CDC42BPG: variants seen among roughly 807,000 people sequenced by gnomAD.
The protein encoded by CDC42BPG is serine/threonine-protein kinase MRCK gamma.
A neutral mutation model predicts 192.2 loss-of-function variants in CDC42BPG; 157 were observed. The ratio of observed to expected loss-of-function variants is 0.82; its 90% CI spans 0.72 to 0.93. CDC42BPG has a LOEUF of 0.93. CDC42BPG is among the 40% of genes least tolerant of loss of function. The probability of loss-of-function intolerance (pLI) is 0.00; values close to 1 mark genes in which losing one functional copy is unlikely to be tolerated. For missense variants in CDC42BPG, 1,992 were observed against 2,122.1 expected, an observed-to-expected ratio of 0.94 and a Z score of 1.20; for synonymous variants, 981 against 918.5, an observed-to-expected ratio of 1.07 and a Z score of -1.23.
intron 27 of CDC42BPG, 141 bp from the exon 28 acceptor site, chr11:64,831,862 C>A: frequency 1.4e-6 from 1 of 730,370 alleles, no homozygotes; most frequent in Non-Finnish European, 2.2e-6. Flanking sequence ...GGCAAACAGA[C>A]AACTCCAGAG....
Position 64,840,645 on chromosome 11 carries a change from C to A in CDC42BPG, c.340G>T (p.Ala114Ser), listed in dbSNP as rs1943240315. The A allele has an allele frequency of 1.2e-6, 2 of 1,613,666 alleles. No individual in the cohort carries two copies. Among genetic ancestry groups the A allele is most frequent in the Non-Finnish European group, 1.7e-6 (2 of 1,180,018 alleles). The change falls in exon 4 of 37, where the codon GCC becomes TCC. Residue 114 changes from alanine to serine, a missense_variant. Ala to Ser is a moderately conservative substitution (Grantham distance 99). Around this residue, in one of 2 missense-constraint regions of CDC42BPG, gnomAD observed 1,656 missense variants for 1,844.3 expected, o/e 0.90. Coordinates refer to ENST00000342711, the MANE Select transcript of CDC42BPG (RefSeq NM_017525.3). ...ACATCCCGCTCCTCCCGGAAACAGG[C>A]TGTCTGCAGCAGGTTTGGGGAAGTA... ...KWEMLKRAET[A>S]CFREERDVLV...
At position 64,829,975 on chromosome 11, in the gene CDC42BPG, C is replaced by T. The variant is rs200521831; in HGVS notation, c.3463G>A (p.Val1155Met). ...LVVLCGRGPS[V>M]RLFALAELEN... is the part of the protein sequence containing the mutation. ...AGCTCCGCCAGGGCAAAGAGACGCACGCTGGGGCCGCGGCCACACAGCACG... is the reference window on the plus strand; with the variant it reads ...AGCTCCGCCAGGGCAAAGAGACGCATGCTGGGGCCGCGGCCACACAGCACG... The change falls in exon 30 of 37, where the codon GTG becomes ATG. Residue 1155 changes from valine (V) to methionine (M), a missense_variant. Physicochemically the swap from Val to Met is conservative, Grantham distance 21 (BLOSUM62 1). Around this residue, in one of 2 missense-constraint regions of CDC42BPG, gnomAD observed 1,656 missense variants for 1,844.3 expected, o/e 0.90. Transcript: ENST00000342711. The T allele has an allele frequency of 1.5e-5, 24 of 1,612,718 alleles. No homozygotes were observed. The highest frequency in any genetic ancestry group is 3.3e-5 in the South Asian group (3 of 91,074).
intron 28 of CDC42BPG, 27 bp from the exon 29 acceptor site, chr11:64,830,283 G>A (rs1488538309): frequency 6.4e-7 from 1 of 1,574,086 alleles, no homozygotes; most frequent in Admixed American, 1.8e-5. Flanking sequence ...GAGGGTCAGA[G>A]GTCAGCAGTC....
chr11:64,826,379 C>T (rs1329342190), intron 36 of CDC42BPG, 91 bp downstream of exon 36: 3 of 886,858 alleles, frequency 3.4e-6, no homozygotes, highest in African/African-American at 1.7e-5. Flanking sequence ...TCAGCTTGTT[C>T]CCTAGCCTAG....
Position 64,835,360 on chromosome 11 carries a change from C to G in CDC42BPG, c.1940G>C (p.Arg647Pro). 6.2e-7 allele frequency: 1 copy of G among 1,614,010 alleles called. No individual in the cohort carries two copies. Among genetic ancestry groups the G allele is most frequent in the Non-Finnish European group, 8.5e-7 (1 of 1,180,010 alleles). ...QLQEENRRLS[R>P]EQERLEAELA... ...TACCCTGCTCACCCGCTCCTGCTCC[C>G]GGCTCAGCCTCCGGTTTTCCTCCTG... Residue 647 changes from arginine (R) to proline (P), a missense_variant, in exon 16 of 37, where the codon CGG becomes CCG. Arg to Pro is a moderately radical substitution (Grantham distance 103). Coordinates refer to ENST00000342711, the MANE Select transcript of CDC42BPG (RefSeq NM_017525.3).
In CDC42BPG at chr11:64,826,677, C is replaced by T. The variant is rs1942434309; in HGVS notation, c.4507G>A (p.Asp1503Asn). 1 of 1,567,800 alleles carries T rather than the reference C, an allele frequency of 6.4e-7. No individual in the cohort carries two copies. The highest frequency in any genetic ancestry group is 8.6e-7 in the Non-Finnish European group (1 of 1,157,018). The change falls in exon 35 of 37, where the codon GAC becomes AAC. Residue 1503 changes from aspartate (D) to asparagine (N), a missense_variant. By Grantham distance (23) the Asp-to-Asn change is conservative. Coordinates refer to ENST00000342711, the MANE Select transcript of CDC42BPG (RefSeq NM_017525.3). ...MGSEGLGGDA[D>N]PMKRKPWTSL... ...GCTGAGGGGCTGCCCTTACTGGGGT[C>T]TGCGTCTCCACCGAGGCCTTCGCTG...
Position 64,836,305 on chromosome 11 carries a change from G to A in CDC42BPG, c.1489-9C>T, listed in dbSNP as rs751773273. ...CGACCCTCGGCCAGCTCCTGAGGAGGCAGGGGAGGGAGCGGGGAAGGACAA... is the reference window on the plus strand; with the variant it reads ...CGACCCTCGGCCAGCTCCTGAGGAGACAGGGGAGGGAGCGGGGAAGGACAA... On this transcript the variant is annotated splice_polypyrimidine_tract_variant and intron_variant, in intron 12 of 36. Coordinates refer to ENST00000342711, the MANE Select transcript of CDC42BPG (RefSeq NM_017525.3). 6.2e-6 allele frequency: 10 copies of A among 1,607,908 alleles called. No homozygotes were observed. Among genetic ancestry groups the A allele is most frequent in the Non-Finnish European group, 8.5e-6 (10 of 1,178,060 alleles).
intron 6 of CDC42BPG, 98 bp downstream of exon 6, chr11:64,839,380 G>A (rs979536359): frequency 1.6e-5 from 24 of 1,490,652 alleles, no homozygotes; most frequent in Non-Finnish European, 2.1e-5. Context: ...CTTCCCCGGG[G>A]GGCCTGATGC....
chr11:64,832,707 G>A lies in CDC42BPG; in HGVS notation c.2902C>T (p.Arg968Cys), dbSNP rs747700877. The change falls in exon 26 of 37, where the codon CGC (arginine) becomes TGC (cysteine). Residue 968 changes from arginine (R) to cysteine (C), a missense_variant. Around this residue, in one of 2 missense-constraint regions of CDC42BPG, gnomAD observed 1,656 missense variants for 1,844.3 expected, o/e 0.90. Transcript: ENST00000342711. Reference sequence around the variant, plus strand: ...GAGTCACTCAGGGCAGCAAACACGCGCTGCCAGCCCCGCCGGACACCTGAG... The same window carrying A: ...GAGTCACTCAGGGCAGCAAACACGCACTGCCAGCCCCGCCGGACACCTGAG... ...RPSGVRRGWQ[R>C]VFAALSDSRL... 1.4e-5 allele frequency: 23 copies of A among 1,611,604 alleles called. No homozygotes were observed. Among genetic ancestry groups the A allele is most frequent in the East Asian group, 1.1e-4 (5 of 44,812 alleles).
At chr11:64,842,923 A>T (rs1368664526) in intron 1 of CDC42BPG, among the ~76,000 whole-genome samples, 1 of 152,154 alleles carries the variant, frequency 6.6e-6, no homozygotes, top group Non-Finnish European at 1.5e-5. Context: ...CAGGTTTATC[A>T]GGCAGAAGCC....
Position 64,827,077 on chromosome 11 carries a change from C to G in CDC42BPG, c.4362G>C (p.Gly1454=). 6.2e-7 allele frequency: 1 copy of G among 1,613,334 alleles called. No individual in the cohort carries two copies. The highest frequency in any genetic ancestry group is 8.5e-7 in the Non-Finnish European group (1 of 1,179,306). Reference sequence around the variant, plus strand: ...GGGACTTGTCCCTGGCGCCGGGCCGCCCGTTGGCAGGGCCCACGTGTACTA... The same window carrying G: ...GGGACTTGTCCCTGGCGCCGGGCCGGCCGTTGGCAGGGCCCACGTGTACTA... ...NHLVHVGPAN[G]RPGARDKSPA... Residue 1454 remains glycine, a synonymous_variant, in exon 34 of 37, where the codon GGG becomes GGC. Transcript: ENST00000342711.
chr11:64,832,329 T>C, intron 27 of CDC42BPG, 99 bp downstream of exon 27: 1 of 1,232,752 alleles, frequency 8.1e-7, no homozygotes. Context: ...GGTTGTGGGC[T>C]GGCCCAAGAG....
rs764733823 is a variant in CDC42BPG, at chr11:64,834,434, A to C, written c.2319T>G (p.Ala773=). Residue 773 remains alanine, a synonymous_variant, in exon 19 of 37, where the codon GCT becomes GCG. Coordinates refer to ENST00000342711, the MANE Select transcript of CDC42BPG (RefSeq NM_017525.3). ...LTQVQEAQLQ[A]ERRLQEAEKQ... ...GTGCCTGCCCCTAGCCTCACCGCTC[A>C]GCCTGCAGCTGGGCCTCCTGCACCT... 1 of 1,565,882 alleles carries C rather than the reference A, an allele frequency of 6.4e-7. No homozygotes were observed. The highest frequency in any genetic ancestry group is 1.2e-5 in the South Asian group (1 of 86,400).
Position 64,838,179 on chromosome 11 carries a change from A to C in CDC42BPG, c.1126-17T>G. 6.5e-7 allele frequency: 1 copy of C among 1,546,496 alleles called. No homozygotes were observed. The highest frequency in any genetic ancestry group is 8.7e-7 in the Non-Finnish European group (1 of 1,144,956). On this transcript the variant is annotated splice_polypyrimidine_tract_variant and intron_variant, in intron 8 of 36. Coordinates refer to ENST00000342711, the MANE Select transcript of CDC42BPG (RefSeq NM_017525.3). ...CAGGGTCCCCTGCAGAGGGAGAGGGAAGGAGAGTCAGAGTCCACAGGCCAA... is the reference window on the plus strand; with the variant it reads ...CAGGGTCCCCTGCAGAGGGAGAGGGCAGGAGAGTCAGAGTCCACAGGCCAA...
intron 8 of CDC42BPG, among the ~76,000 whole-genome samples, chr11:64,838,440 C>T (rs1943123293): frequency 6.6e-6 from 1 of 152,182 alleles, no homozygotes; most frequent in South Asian, 2.1e-4. Flanking sequence ...GCATGGGGAG[C>T]CTGTGGGAGA....
intron 3 of CDC42BPG, among the ~76,000 whole-genome samples, chr11:64,841,099 C>T (rs1365250458): frequency 6.7e-6 from 1 of 148,818 alleles, no homozygotes; most frequent in Non-Finnish European, 1.5e-5. Flanking sequence ...TGCAGTGAGC[C>T]GAGATCACGC....
chr11:64,836,634 T>C, intron 11 of CDC42BPG, 104 bp from the exon 12 acceptor site: 7 of 1,118,986 alleles, frequency 6.3e-6, no homozygotes, highest in South Asian at 2.6e-5. Flanking sequence ...TCAGAGAGTA[T>C]AAAATGCTCT....
At position 64,833,738 on chromosome 11, in the gene CDC42BPG, C is replaced by T; in HGVS notation, c.2565G>A (p.Gly855=). ...CTACGATGGACCCACCTGTCCTCAC[C>T]CCCATGCGCAGGCTGCGTCGGCCCT... ...RPEGRRSLRM[G]AVFPRAPTAN... is the part of the protein sequence containing the mutation. Residue 855 remains glycine, a splice_region_variant and synonymous_variant, in exon 22 of 37, where the codon GGG becomes GGA. Transcript: ENST00000342711. The T allele has an allele frequency of 1.9e-6, 3 of 1,614,030 alleles. No individual in the cohort carries two copies. Among genetic ancestry groups the T allele is most frequent in the Non-Finnish European group, 2.5e-6 (3 of 1,180,012 alleles).
chr11:64,844,648 C>T lies in CDC42BPG; in HGVS notation c.-79G>A, dbSNP rs1162033682. 14 of 1,127,098 alleles carry T rather than the reference C, an allele frequency of 1.2e-5. No homozygotes were observed. The highest frequency in any genetic ancestry group is 1.6e-5 in the Non-Finnish European group (14 of 895,668). 69.8% of individuals were successfully genotyped at this position (1,127,098 alleles called of 1,614,324 possible). A position where few individuals can be genotyped will look rare whatever the true frequency, so the allele number is the denominator to read the frequency against. ...CCTGTCGGGCCGTCCGTCCGCCCAA[C>T]CGTCTGAGGCTCTGTCCGCGCGTCC... On this transcript the variant is annotated 5_prime_UTR_variant, in exon 1 of 37. Coordinates refer to ENST00000342711, the MANE Select transcript of CDC42BPG (RefSeq NM_017525.3).
Sources: allele counts gnomAD v4.1 joint callset (sites outside exome capture counted in the v4.1 genomes callset), GRCh38; gene constraint gnomAD v4.1.1; regional missense constraint gnomAD v4.1.1; transcripts MANE v1.5; gene names NCBI Gene and HGNC (gene_info 2026-07-23, HGNC 2026-07-21).